The following ANK1 variants were observed in gnomAD, a reference collection of about 807,000 sequenced individuals.
ANK1 encodes the protein ankyrin-1.
ANK1 carries 51 observed loss-of-function variants against 210.4 expected under a neutral mutation model. The ratio of observed to expected loss-of-function variants is 0.24; its 90% CI spans 0.19 to 0.31. ANK1 has a LOEUF of 0.31. ANK1 is among the 10% of genes least tolerant of loss of function. The pLI is 1.00. For synonymous variants in ANK1, 967 were observed against 1,025.9 expected (o/e 0.94, Z 1.10); for missense variants, 2,051 against 2,504.4 (o/e 0.82, Z 3.86).
chr8:41,801,941 A>G (rs974569640), upstream of ANK1, among the ~76,000 whole-genome samples: 1 of 152,058 alleles, frequency 6.6e-6, no homozygotes, highest in African/African-American at 2.4e-5. Flanking sequence ...CTGAGCTTAT[A>G]CAATTTTTTC....
intron 2 of ANK1, among the ~76,000 whole-genome samples, chr8:41,740,519 G>A (rs1156291363): frequency 6.6e-6 from 1 of 152,044 alleles, no homozygotes; most frequent in African/African-American, 2.4e-5. Context: ...CCTCCCCTAG[G>A]AGTCCCAAGG....
At chr8:41,809,847 C>T (rs777932495) in intron 1 of ANK1, among the ~76,000 whole-genome samples, 1 of 152,226 alleles carries the variant, frequency 6.6e-6, no homozygotes, top group Non-Finnish European at 1.5e-5. Context: ...TAATTACTGA[C>T]TGAGGCTGGA....
intron 1 of ANK1, among the ~76,000 whole-genome samples, chr8:41,781,801 G>T (rs2150748262): frequency 6.6e-6 from 1 of 152,312 alleles, no homozygotes; most frequent in Non-Finnish European, 1.5e-5. Flanking sequence ...GAGGCAGAGG[G>T]TCTCCAAGGC....
At chr8:41,809,307 T>C (rs1228101397) in intron 1 of ANK1, among the ~76,000 whole-genome samples, 1 of 152,214 alleles carries the variant, frequency 6.6e-6, no homozygotes, top group Non-Finnish European at 1.5e-5. Context: ...AATGCGCAGC[T>C]CTGTGAAAAC....
chr8:41,664,462 T>G lies in ANK1; in HGVS notation c.5395-720A>C, dbSNP rs114713315. ...CATGCCACTGCACTCCAGCCTGGAC[T>G]AAACAGCAAGACTTCATCTCTAAAA... On this transcript the variant is annotated intron_variant, in intron 39 of 42. Transcript: ENST00000289734. Among the ~76,000 whole-genome samples, 674 of 151,994 alleles carry G rather than the reference T, an allele frequency of 4.4e-3. 5 individuals carry two copies. Among genetic ancestry groups the G allele is most frequent in the African/African-American group, 0.016 (648 of 41,448 alleles).
rs555704078 is a variant in ANK1, at chr8:41,761,322, C to T, written c.28-3185G>A. Among the ~76,000 whole-genome samples the T allele has an allele frequency of 1.3e-4, 19 of 151,746 alleles. No homozygotes were observed. In the South Asian group the frequency reaches 3.8e-3, roughly 30 times the overall value. ...ATACACACACACGCACACACATGCA[C>T]AGATACACACACCTGCACACATACA... On this transcript the variant is annotated intron_variant, in intron 1 of 42. Coordinates refer to ENST00000289734, the MANE Select transcript of ANK1 (RefSeq NM_000037.4).
rs760521571 is a variant in ANK1 at position 41,661,527 on chromosome 8, A to C, written c.5582T>G (p.Ile1861Arg). The change falls in exon 42 of 43, where the codon ATA (isoleucine) becomes AGA (arginine). Residue 1861 changes from isoleucine (I) to arginine (R), a missense_variant. By Grantham distance (97) the Ile-to-Arg change is moderately conservative. This residue lies in a region of ANK1 where 496 missense variants were observed against 533.4 expected (regional missense o/e 0.93). Coordinates refer to ENST00000289734, the MANE Select transcript of ANK1 (RefSeq NM_000037.4). ...LRGSGLQPDL[I>R]EGRKGAQIVK... ...TATCTGCGCCCCCTTCCTGCCCTCT[A>C]TCAGGTCCGGCTGTAGGCCACTCCC... 1.2e-6 allele frequency: 2 copies of C among 1,613,848 alleles called. No individual in the cohort carries two copies. The highest frequency in any genetic ancestry group is 2.7e-5 in the African/African-American group (2 of 74,886).
chr8:41,827,108 TA>T (rs1805519676), intron 1 of ANK1, among the ~76,000 whole-genome samples: 1 of 152,256 alleles, frequency 6.6e-6, no homozygotes, highest in Non-Finnish European at 1.5e-5. Flanking sequence ...TTACACATAG[TA>T]GTGCTCAGTA....
At chr8:41,836,901 C>A (rs1225295108) in intron 1 of ANK1, among the ~76,000 whole-genome samples, 7 of 141,268 alleles carry the variant, frequency 5.0e-5, no homozygotes, top group African/African-American at 1.6e-4. Context: ...GCCTGGGCAA[C>A]AGAGTAAGAA....
At chr8:41,849,408 C>G (rs555436541) in intron 1 of ANK1, among the ~76,000 whole-genome samples, 1 of 152,108 alleles carries the variant, frequency 6.6e-6, no homozygotes, top group South Asian at 2.1e-4. Flanking sequence ...CCTATAATCC[C>G]AGCTACCAGG....
At chr8:41,727,846 C>T in intron 4 of ANK1, 62 bp downstream of exon 4, 1 of 1,524,212 alleles carries the variant, frequency 6.6e-7, no homozygotes. Context: ...CACGAGGGAG[C>T]AGCAAAGAGG....
At chr8:41,808,464 A>C (rs1486274185) in intron 1 of ANK1, among the ~76,000 whole-genome samples, 2 of 152,170 alleles carry the variant, frequency 1.3e-5, no homozygotes, top group Non-Finnish European at 2.9e-5. Context: ...CAGGAATTCG[A>C]GACCAGCCTG....
chr8:41,810,377 TC>T lies in ANK1; in HGVS notation c.127-52241del, dbSNP rs1373222694. On this transcript the variant is annotated intron_variant, in intron 1 of 42. Transcript: ENST00000265709. ...TAAAGATTGGAGGCTATTTTATATT[TC>T]CCCCCAAAAGAGGGAAATCTTGGGC... Among the ~76,000 whole-genome samples the T allele has an allele frequency of 2.0e-5, 3 of 152,260 alleles. No homozygotes were observed. In the East Asian group the frequency reaches 5.8e-4, roughly 29 times the overall value.
At chr8:41,829,023 A>G (rs1188263156) in intron 1 of ANK1, 2 of 152,292 alleles carry the variant, frequency 1.3e-5, no homozygotes, top group African/African-American at 4.8e-5. Context: ...GAAAGAATTA[A>G]TAAATAAATC....
At position 41,797,557 on chromosome 8, in the gene ANK1, G is replaced by GC; in HGVS notation, c.-20dup. 1 of 1,613,352 alleles carries GC rather than the reference G, an allele frequency of 6.2e-7. No individual in the cohort carries two copies. The highest frequency in any genetic ancestry group is 8.5e-7 in the Non-Finnish European group (1 of 1,179,824). On this transcript the variant is annotated 5_prime_UTR_variant, in exon 1 of 43. Transcript: ENST00000289734. This position sits in a 1 kb window ranked among gnomAD's most constrained non-coding sequence, Gnocchi z 4.0. Reference sequence around the variant, plus strand: ...AGGGCATGCCGGTCTTTCAGCAGGGGCCCGCCGAAGGGCCTTGGGGGCTTG... The same window carrying GC: ...AGGGCATGCCGGTCTTTCAGCAGGGGCCCCGCCGAAGGGCCTTGGGGGCTTG...
At chr8:41,728,897 C>G (rs976527320) in intron 3 of ANK1, among the ~76,000 whole-genome samples, 1 of 152,202 alleles carries the variant, frequency 6.6e-6, no homozygotes, top group Non-Finnish European at 1.5e-5. Flanking sequence ...TTCCGCGGAC[C>G]TGCAGCTCCG....
intron 16 of ANK1, among the ~76,000 whole-genome samples, chr8:41,709,838 A>T (rs928720182): frequency 6.6e-6 from 1 of 152,164 alleles, no homozygotes; most frequent in Non-Finnish European, 1.5e-5. Flanking sequence ...CTGAGGTGGG[A>T]AGATGGCTTG....
intron 1 of ANK1, among the ~76,000 whole-genome samples, chr8:41,849,642 C>T (rs529440252): frequency 1.3e-5 from 2 of 152,316 alleles, no homozygotes; most frequent in South Asian, 2.1e-4. Flanking sequence ...CGGATCCCAC[C>T]GCCGCGCAGG....
chr8:41,664,943 G>A (rs138383301), intron 39 of ANK1: 27 of 1,614,246 alleles, frequency 1.7e-5, no homozygotes, highest in Non-Finnish European at 2.1e-5. Context: ...CCCTGACAAT[G>A]TGCATCACGT....
Sources: allele counts gnomAD v4.1 joint callset (sites outside exome capture counted in the v4.1 genomes callset), GRCh38; gene constraint gnomAD v4.1.1; regional missense constraint gnomAD v4.1.1; non-coding constraint Gnocchi (gnomAD v3.1); transcripts MANE v1.5; gene names NCBI Gene and HGNC (gene_info 2026-07-23, HGNC 2026-07-21).